TNFSF4: variants seen among roughly 807,000 people sequenced by gnomAD.
The protein encoded by TNFSF4 is tumor necrosis factor ligand superfamily member 4.
In TNFSF4, 4 loss-of-function variants were observed where a neutral mutation model predicts 7.3. The ratio of observed to expected loss-of-function variants is 0.55; its 90% CI spans 0.27 to 1.25. The LOEUF is 1.25. Ranked by LOEUF, TNFSF4 falls within the 50% of genes most tolerant of loss-of-function variation. The pLI, the probability that TNFSF4 is intolerant of heterozygous loss-of-function variation, is 0.12. For missense variants in TNFSF4, 181 were observed against 208.8 expected, an observed-to-expected ratio of 0.87 and a Z score of 0.82; for synonymous variants, 76 against 83.7, an observed-to-expected ratio of 0.91 and a Z score of 0.50.
At chr1:173,430,571 T>C in the TNFSF4 span, among the ~76,000 whole-genome samples, 3 of 152,238 alleles carry the variant, frequency 2.0e-5, no homozygotes, top group African/African-American at 4.8e-5. Context: ...TTGTTGCTTA[T>C]AACTTGGTAT....
the TNFSF4 span, among the ~76,000 whole-genome samples, chr1:173,286,945 TA>T: frequency 6.6e-6 from 1 of 152,122 alleles, no homozygotes; most frequent in East Asian, 1.9e-4. Context: ...AGTCATTTAA[TA>T]AAAAAAGACA....
At chr1:173,406,414 T>C in the TNFSF4 span, among the ~76,000 whole-genome samples, 1 of 152,290 alleles carries the variant, frequency 6.6e-6, no homozygotes, top group Non-Finnish European at 1.5e-5. Context: ...AAATACCTAC[T>C]ATGTTCCAGG....
the TNFSF4 span, among the ~76,000 whole-genome samples, chr1:173,327,541 G>C: frequency 1.7e-4 from 26 of 151,170 alleles, no homozygotes; most frequent in South Asian, 8.4e-4. Context: ...CACAGCAAAA[G>C]AAACTACCAT....
At chr1:173,421,448 C>T in the TNFSF4 span, among the ~76,000 whole-genome samples, 14 of 152,086 alleles carry the variant, frequency 9.2e-5, no homozygotes, top group African/African-American at 1.9e-4. Flanking sequence ...CCCTCCGAAC[C>T]GGGTTCCCTC....
At chr1:173,369,547 G>A in the TNFSF4 span, among the ~76,000 whole-genome samples, 1 of 151,524 alleles carries the variant, frequency 6.6e-6, no homozygotes, top group East Asian at 1.9e-4. Flanking sequence ...TGGGTGGGAG[G>A]AAAAAAAACA....
At chr1:173,391,306 T>TCTC in the TNFSF4 span, among the ~76,000 whole-genome samples, 5 of 58,166 alleles carry the variant, frequency 8.6e-5, no homozygotes, top group Non-Finnish European at 1.3e-4. Flanking sequence ...TTCTCTTTCT[T>TCTC]TCTGTCTCTC....
At chr1:173,366,111 G>C in the TNFSF4 span, among the ~76,000 whole-genome samples, 2 of 152,126 alleles carry the variant, frequency 1.3e-5, no homozygotes, top group African/African-American at 4.8e-5. Context: ...TGTGATCCAG[G>C]AATCCAACTC....
chr1:173,386,509 G>T, the TNFSF4 span, among the ~76,000 whole-genome samples: 1 of 152,168 alleles, frequency 6.6e-6, no homozygotes, highest in Non-Finnish European at 1.5e-5. Flanking sequence ...CCTCATTAAG[G>T]CAATGCCTAG....
the TNFSF4 span, among the ~76,000 whole-genome samples, chr1:173,327,554 G>T: frequency 6.6e-6 from 1 of 151,400 alleles, no homozygotes; most frequent in East Asian, 1.9e-4. Context: ...ACTACCATCA[G>T]AGTGAACAGG....
At chr1:173,175,112 C>A in the TNFSF4 span, 1 of 152,092 alleles carries the variant, frequency 6.6e-6, no homozygotes, top group Admixed American at 6.5e-5. Flanking sequence ...TAATCTGTGA[C>A]CCGTGGTTGG....
the TNFSF4 span, among the ~76,000 whole-genome samples, chr1:173,323,473 AACG>A: frequency 6.6e-6 from 1 of 152,252 alleles, no homozygotes; most frequent in East Asian, 1.9e-4. Context: ...CCTCCAAAGG[AACG>A]CAGCTCCTCA....
chr1:173,355,228 C>T, the TNFSF4 span, among the ~76,000 whole-genome samples: 8 of 152,260 alleles, frequency 5.3e-5, no homozygotes, highest in Admixed American at 5.2e-4. Flanking sequence ...GATATTGGGC[C>T]GACCTGGATG....
At chr1:173,207,696 AACT>A (rs1650250211), upstream of TNFSF4, among the ~76,000 whole-genome samples, 1 of 152,178 alleles carries the variant, frequency 6.6e-6, no homozygotes, top group South Asian at 2.1e-4. Context: ...TTTACTATGT[AACT>A]AAACATTGAA....
chr1:173,349,933 C>A, the TNFSF4 span, among the ~76,000 whole-genome samples: 1 of 152,166 alleles, frequency 6.6e-6, no homozygotes, highest in Non-Finnish European at 1.5e-5. Flanking sequence ...GATATTCATT[C>A]AACATTGAAT....
chr1:173,396,150 A>G, the TNFSF4 span, among the ~76,000 whole-genome samples: 1 of 152,206 alleles, frequency 6.6e-6, no homozygotes, highest in Non-Finnish European at 1.5e-5. Context: ...CTACACTCCA[A>G]AACAACTACT....
chr1:173,326,095 A>C, the TNFSF4 span, among the ~76,000 whole-genome samples: 2 of 152,238 alleles, frequency 1.3e-5, no homozygotes, highest in Non-Finnish European at 2.9e-5. Context: ...ATCCTTGATG[A>C]ACATTGATGC....
At chr1:173,241,969 C>T in the TNFSF4 span, among the ~76,000 whole-genome samples, 1 of 152,196 alleles carries the variant, frequency 6.6e-6, no homozygotes, top group African/African-American at 2.4e-5. Flanking sequence ...GGGGAACTTA[C>T]AGCCAGGCCT....
the TNFSF4 span, among the ~76,000 whole-genome samples, chr1:173,217,413 C>T: frequency 4.6e-5 from 7 of 152,168 alleles, no homozygotes; most frequent in Non-Finnish European, 8.8e-5. Flanking sequence ...ATTACTATTT[C>T]TAATTGAGCA....
the TNFSF4 span, among the ~76,000 whole-genome samples, chr1:173,176,021 T>G: frequency 6.6e-6 from 1 of 152,192 alleles, no homozygotes; most frequent in Non-Finnish European, 1.5e-5. Flanking sequence ...TGTAAGTACA[T>G]GGCTGGGGCG....
Sources: allele counts gnomAD v4.1 joint callset (sites outside exome capture counted in the v4.1 genomes callset), GRCh38; gene constraint gnomAD v4.1.1; transcripts MANE v1.5; gene names NCBI Gene and HGNC (gene_info 2026-07-23, HGNC 2026-07-21).